The following KSR2 variants were observed in gnomAD, a reference collection of about 807,000 sequenced individuals.
The protein encoded by KSR2 is kinase suppressor of ras 2.
Under a neutral mutation model 107.8 loss-of-function variants are expected in KSR2, and 25 were observed. The observed-to-expected ratio is 0.23, with a 90% confidence interval of 0.17 to 0.32. The LOEUF (loss-of-function observed/expected upper bound fraction) is 0.32. Ranked by LOEUF, KSR2 falls within the 10% of genes least tolerant of loss-of-function variation. The pLI, the probability that KSR2 is intolerant of heterozygous loss-of-function variation, is 1.00. For synonymous variants in KSR2, 480 were observed against 507.0 expected, an observed-to-expected ratio of 0.95 and a Z score of 0.71; for missense variants, 887 against 1,268.9, an observed-to-expected ratio of 0.70 and a Z score of 4.57.
intron 5 of KSR2, among the ~76,000 whole-genome samples, chr12:117,607,775 T>C (rs1287524842): frequency 1.3e-5 from 2 of 152,010 alleles, no homozygotes; most frequent in Non-Finnish European, 2.9e-5. Context: ...GAGATTAACC[T>C]GGGGGTTCTG....
At chr12:117,771,910 C>T (rs1889467669) in intron 3 of KSR2, among the ~76,000 whole-genome samples, 1 of 151,304 alleles carries the variant, frequency 6.6e-6, no homozygotes, top group Admixed American at 6.6e-5. Flanking sequence ...ACATACATAC[C>T]ATTCCCCCAA....
At position 117,454,691 on chromosome 12, in the gene KSR2, C is replaced by G. The variant is rs1360156603; in HGVS notation, c.*12508G>C. The G allele has an allele frequency of 6.6e-6, 1 of 152,138 alleles. No homozygotes were observed. The highest frequency in any genetic ancestry group is 2.4e-5 in the African/African-American group (1 of 41,418). The allele number at this position is 152,138 out of a possible 1,614,324, so 9.4% of individuals were successfully genotyped here. On this transcript the variant is annotated 3_prime_UTR_variant, in exon 20 of 20. Transcript: ENST00000339824. ...CTTTCCATAAATACATTTCCACGTT[C>G]ACACATGTCCTTGACCTCAACACTT...
At chr12:117,555,404 GACAATTCACTAAAA>G in intron 8 of KSR2, 111 bp from the exon 9 acceptor site, 3 of 1,040,174 alleles carry the variant, frequency 2.9e-6, no homozygotes, top group Non-Finnish European at 4.3e-6. Context: ...CAGACTGGAG[GACAATTCACTAAAA>G]GTGATAATGA....
chr12:117,613,743 A>C (rs1445404355), intron 5 of KSR2, among the ~76,000 whole-genome samples: 1 of 152,216 alleles, frequency 6.6e-6, no homozygotes, highest in African/African-American at 2.4e-5. Flanking sequence ...TATCCTAAGG[A>C]CATCACATGT....
At chr12:117,552,320 G>A (rs567032196) in intron 9 of KSR2, among the ~76,000 whole-genome samples, 3 of 152,112 alleles carry the variant, frequency 2.0e-5, no homozygotes, top group Admixed American at 6.5e-5. Flanking sequence ...TGCCTGCCAC[G>A]GGCTCTTTAA....
chr12:117,489,324 CA>C (rs1872629208), intron 14 of KSR2, among the ~76,000 whole-genome samples: 1 of 151,852 alleles, frequency 6.6e-6, no homozygotes. Flanking sequence ...GTTATCCTTC[CA>C]AAAAATGTTT....
chr12:117,710,197 G>A (rs779662706), intron 4 of KSR2, among the ~76,000 whole-genome samples: 6 of 151,744 alleles, frequency 4.0e-5, no homozygotes, highest in Non-Finnish European at 7.4e-5. Flanking sequence ...CTCTTGCTCC[G>A]AACCATCAAA....
intron 5 of KSR2, among the ~76,000 whole-genome samples, chr12:117,644,129 A>G (rs548002450): frequency 6.6e-6 from 1 of 152,180 alleles, no homozygotes; most frequent in African/African-American, 2.4e-5. Context: ...CAAGGGGCTG[A>G]GCAGCTGCCT....
rs780888711 is a variant in KSR2, at chr12:117,860,334, C to T, written c.278G>A (p.Arg93Gln). Residue 93 changes from arginine to glutamine, a missense_variant, in exon 2 of 20, where the codon CGG becomes CAG. Around this residue, in one of 8 missense-constraint regions of KSR2, gnomAD observed 399 missense variants for 479.5 expected, o/e 0.83. Coordinates refer to ENST00000339824, the MANE Select transcript of KSR2 (RefSeq NM_173598.6). The stretch of plus-strand genomic sequence containing the variant: ...CACATCGACGATTCGGAACCAGTGC[C>T]GTAGCTGGGGGAAGCCGTCCAGCTC... ...NAELDGFPQL[R>Q]HWFRIVDVRK... The T allele has an allele frequency of 3.7e-6, 6 of 1,613,714 alleles. No homozygotes were observed. The African/African-American group carries it at 5.3e-5, about 14-fold the overall frequency.
At chr12:117,575,329 C>T (rs1203202901) in intron 7 of KSR2, among the ~76,000 whole-genome samples, 1 of 152,196 alleles carries the variant, frequency 6.6e-6, no homozygotes, top group Non-Finnish European at 1.5e-5. Flanking sequence ...AGCTGCCTCC[C>T]CATCCTTGGT....
chr12:117,584,463 G>T (rs1565912637), intron 5 of KSR2, among the ~76,000 whole-genome samples: 1 of 152,132 alleles, frequency 6.6e-6, no homozygotes, highest in African/African-American at 2.4e-5. Context: ...ACAAAACTAG[G>T]AGTGCTAAAT....
At chr12:117,884,481 A>G (rs1229726464) in intron 1 of KSR2, among the ~76,000 whole-genome samples, 3 of 152,166 alleles carry the variant, frequency 2.0e-5, no homozygotes, top group African/African-American at 4.8e-5. Context: ...GGAAATTTCT[A>G]AAGTTCTCTT....
intron 7 of KSR2, among the ~76,000 whole-genome samples, chr12:117,574,791 T>C (rs1184896931): frequency 1.3e-5 from 2 of 151,004 alleles, no homozygotes; most frequent in African/African-American, 4.9e-5. Context: ...GTGACGCTGA[T>C]GGTGCTGGTC....
chr12:117,566,412 G>A (rs1201318174), intron 7 of KSR2, among the ~76,000 whole-genome samples: 4 of 152,160 alleles, frequency 2.6e-5, no homozygotes, highest in African/African-American at 2.4e-5. Context: ...GAGCCACTGC[G>A]CCTGGCCTGC....
chr12:117,492,324 G>T (rs943150706), intron 14 of KSR2, among the ~76,000 whole-genome samples: 4 of 152,250 alleles, frequency 2.6e-5, no homozygotes, highest in Non-Finnish European at 4.4e-5. Flanking sequence ...TGTCCAGACT[G>T]GCTCATTCTG....
chr12:117,832,412 C>T lies in KSR2; in HGVS notation c.472+23016G>A, dbSNP rs371339951. Among the ~76,000 whole-genome samples the T allele has an allele frequency of 2.1e-4, 32 of 152,346 alleles. No homozygotes were observed. In the East Asian group the frequency reaches 3.3e-3, roughly 16 times the overall value. ...CCCCCCTCTTCTTTGCTAATGGCTA[C>T]AGATAAAGCTACAGACCCAGCGTCA... is the stretch of plus-strand genomic sequence containing the variant. On this transcript the variant is annotated intron_variant, in intron 3 of 19. Coordinates refer to ENST00000339824, the MANE Select transcript of KSR2 (RefSeq NM_173598.6).
chr12:117,657,571 C>T (rs1048816929), intron 5 of KSR2, among the ~76,000 whole-genome samples: 7 of 152,160 alleles, frequency 4.6e-5, no homozygotes, highest in Admixed American at 1.3e-4. Flanking sequence ...TGGACACTTG[C>T]TTCCCTAGTC....
intron 16 of KSR2, among the ~76,000 whole-genome samples, 183 bp downstream of exon 16, chr12:117,484,233 G>C (rs553113000): frequency 6.6e-6 from 1 of 152,092 alleles, no homozygotes; most frequent in Non-Finnish European, 1.5e-5. Flanking sequence ...CAAGGTGCTG[G>C]CCCCCCCAGG....
chr12:117,949,041 C>T (rs549986640), intron 1 of KSR2, among the ~76,000 whole-genome samples: 2 of 152,262 alleles, frequency 1.3e-5, no homozygotes, highest in Non-Finnish European at 2.9e-5. Flanking sequence ...TTGCAGCGAG[C>T]TGAGATTGCA....
Sources: allele counts gnomAD v4.1 joint callset (sites outside exome capture counted in the v4.1 genomes callset), GRCh38; gene constraint gnomAD v4.1.1; regional missense constraint gnomAD v4.1.1; transcripts MANE v1.5; gene names NCBI Gene and HGNC (gene_info 2026-07-23, HGNC 2026-07-21).